The following KAZN variants were observed in gnomAD, a reference collection of about 807,000 sequenced individuals.
KAZN encodes kazrin, periplakin interacting protein, also known as kazrin.
Under a neutral mutation model 87.4 loss-of-function variants are expected in KAZN, and 40 were observed. The ratio of observed to expected loss-of-function variants is 0.46; its 90% CI spans 0.36 to 0.60. KAZN has a LOEUF of 0.60. Among genes scored for constraint, KAZN ranks in the 20% least tolerant of loss-of-function variants. The pLI is 0.00. For missense variants in KAZN, 898 were observed against 1,073.9 expected (o/e 0.84, Z 2.29); for synonymous variants, 466 against 458.3 (o/e 1.02, Z -0.22).
chr1:14,741,149 C>T (rs928081506), intron 1 of KAZN, among the ~76,000 whole-genome samples: 1 of 152,194 alleles, frequency 6.6e-6, no homozygotes, highest in Non-Finnish European at 1.5e-5. Context: ...TGCTCTGCAT[C>T]CGAGGCCTGA....
At chr1:13,915,327 A>G (rs1639806769) in intron 1 of KAZN, among the ~76,000 whole-genome samples, 1 of 152,222 alleles carries the variant, frequency 6.6e-6, no homozygotes, top group Non-Finnish European at 1.5e-5. Context: ...TTCTTTTCAA[A>G]GAAGAAAAAA....
intron 1 of KAZN, among the ~76,000 whole-genome samples, chr1:14,894,886 G>A (rs1456949500): frequency 6.6e-6 from 1 of 152,270 alleles, no homozygotes; most frequent in Admixed American, 6.5e-5. Flanking sequence ...TCTCCTCCCT[G>A]CTCCAGGGAG....
rs758882291 is a variant in KAZN at position 15,114,581 on chromosome 1, G to A, written c.2274G>A (p.Arg758=). The A allele has an allele frequency of 5.6e-5, 90 of 1,604,196 alleles. No homozygotes were observed. The highest frequency in any genetic ancestry group is 7.5e-5 in the Non-Finnish European group (88 of 1,175,286). ...GCGGAGACGATGACCCCCAGAGCAG[G>A]CTGGAACAGTGCCGTCTGGAAGGCT... The part of the protein sequence containing the change: ...EDCGDDDPQS[R]LEQCRLEGYN... Residue 758 remains arginine, a synonymous_variant, in exon 15 of 15, where the codon AGG becomes AGA. Transcript: ENST00000376030.
chr1:14,097,837 AAAG>A (rs1242734321), intron 1 of KAZN, among the ~76,000 whole-genome samples: 1 of 152,202 alleles, frequency 6.6e-6, no homozygotes, highest in Non-Finnish European at 1.5e-5. Flanking sequence ...AAATTCAGGG[AAAG>A]AAGTTGAATC....
At chr1:14,991,704 G>C (rs1038040320) in intron 2 of KAZN, among the ~76,000 whole-genome samples, 5 of 152,168 alleles carry the variant, frequency 3.3e-5, no homozygotes, top group Admixed American at 1.3e-4. Flanking sequence ...GGCCCCAGGG[G>C]GATTGGAGCA....
intron 1 of KAZN, among the ~76,000 whole-genome samples, chr1:14,739,803 A>T (rs1350171993): frequency 6.6e-6 from 1 of 151,548 alleles, no homozygotes; most frequent in Non-Finnish European, 1.5e-5. Context: ...AAAAATGTTG[A>T]TCTGTCTGCC....
At chr1:14,300,497 A>G (rs531321088) in intron 2 of KAZN, among the ~76,000 whole-genome samples, 16 of 152,284 alleles carry the variant, frequency 1.1e-4, no homozygotes, top group African/African-American at 3.8e-4. Flanking sequence ...CAGCCTCCCA[A>G]AGTACTGAGA....
intron 1 of KAZN, among the ~76,000 whole-genome samples, chr1:13,905,353 T>C (rs1293545466): frequency 6.6e-6 from 1 of 152,232 alleles, no homozygotes; most frequent in Non-Finnish European, 1.5e-5. Context: ...TTACCGTAGG[T>C]AATGTTAATT....
At chr1:14,461,905 A>G (rs1667872728) in intron 2 of KAZN, among the ~76,000 whole-genome samples, 1 of 152,002 alleles carries the variant, frequency 6.6e-6, no homozygotes. Flanking sequence ...TACTCTCCCA[A>G]AAGTCTCCCC....
At chr1:14,783,686 T>C (rs79333823) in intron 1 of KAZN, among the ~76,000 whole-genome samples, 2,658 of 152,200 alleles carry the variant, frequency 0.017, 88 homozygotes, top group African/African-American at 0.059. Flanking sequence ...GAAGAAGTCA[T>C]GGAAGGCTTC....
In KAZN at chr1:14,487,907, G is replaced by A. The variant is rs562335782; in HGVS notation, c.250-111076G>A. 2.8e-4 allele frequency among the ~76,000 whole-genome samples: 43 copies of A among 152,288 alleles called. 1 individual carries two copies. In the South Asian group the frequency reaches 8.5e-3, roughly 30 times the overall value. Reference sequence around the variant, plus strand: ...CCAGAAGGAATGGGAGGCTTGGAACGGAGCAGTGATTCAGTTGGGATGTGC... The same window carrying A: ...CCAGAAGGAATGGGAGGCTTGGAACAGAGCAGTGATTCAGTTGGGATGTGC... On this transcript the variant is annotated intron_variant, in intron 2 of 16. Transcript: ENST00000636203.
intron 1 of KAZN, among the ~76,000 whole-genome samples, chr1:14,760,637 G>T (rs146851699): frequency 6.6e-6 from 1 of 152,252 alleles, no homozygotes; most frequent in African/African-American, 2.4e-5. Context: ...AAGACCCTCT[G>T]GTGGCTACTT....
intron 2 of KAZN, among the ~76,000 whole-genome samples, chr1:15,023,156 C>T (rs1298658800): frequency 2.0e-5 from 3 of 152,170 alleles, no homozygotes; most frequent in Non-Finnish European, 4.4e-5. Context: ...AGGCCATGAT[C>T]ACGCTTAGCA....
At chr1:14,365,368 T>TGGGGGG (rs796259489) in intron 2 of KAZN, among the ~76,000 whole-genome samples, 1 of 83,158 alleles carries the variant, frequency 1.2e-5, no homozygotes, top group African/African-American at 3.6e-5. Flanking sequence ...CCCCCCGGGG[T>TGGGGGG]GGGGGGGGGG....
intron 2 of KAZN, among the ~76,000 whole-genome samples, chr1:14,531,133 A>G (rs963971798): frequency 2.8e-4 from 42 of 152,292 alleles, no homozygotes; most frequent in Middle Eastern, 3.4e-3. Flanking sequence ...ATAGCAACAC[A>G]AAAATGGACT....
At chr1:14,306,830 AG>A (rs1654964419) in intron 2 of KAZN, among the ~76,000 whole-genome samples, 4 of 152,304 alleles carry the variant, frequency 2.6e-5, no homozygotes, top group Non-Finnish European at 5.9e-5. Context: ...CTACCTACAG[AG>A]ACGCCTTCAC....
At chr1:14,154,276 A>T (rs6677929) in intron 1 of KAZN, among the ~76,000 whole-genome samples, 27,169 of 151,968 alleles carry the variant, frequency 0.18, 3,091 homozygotes, top group East Asian at 0.33. Flanking sequence ...TGGGATTTTT[A>T]AAAAAAATTC....
intron 2 of KAZN, among the ~76,000 whole-genome samples, chr1:14,297,556 G>A (rs908010619): frequency 2.0e-5 from 3 of 151,680 alleles, no homozygotes; most frequent in Non-Finnish European, 4.4e-5. Flanking sequence ...CCCCACACCT[G>A]CCCCCTGCAA....
At chr1:14,146,110 C>T (rs1176295942) in intron 1 of KAZN, among the ~76,000 whole-genome samples, 1 of 151,984 alleles carries the variant, frequency 6.6e-6, no homozygotes. Context: ...GTCCCTGGGT[C>T]ACCTGAACAG....
Sources: allele counts gnomAD v4.1 joint callset (sites outside exome capture counted in the v4.1 genomes callset), GRCh38; gene constraint gnomAD v4.1.1; transcripts MANE v1.5; gene names NCBI Gene and HGNC (gene_info 2026-07-23, HGNC 2026-07-21).